The following SLC39A10 variants were observed in gnomAD, a reference collection of about 807,000 sequenced individuals.
SLC39A10 encodes solute carrier family 39 member 10.
A neutral mutation model predicts 65.1 loss-of-function variants in SLC39A10; 13 were observed. That is an observed-to-expected ratio of 0.20 (90% CI 0.13 to 0.32). The LOEUF (loss-of-function observed/expected upper bound fraction) is 0.32, where lower values mean the gene tolerates loss of function less well. SLC39A10 is among the 10% of genes least tolerant of loss of function. The pLI, the probability that SLC39A10 is intolerant of heterozygous loss-of-function variation, is 1.00. For synonymous variants in SLC39A10, 321 were observed against 342.2 expected, an observed-to-expected ratio of 0.94 and a Z score of 0.68; for missense variants, 831 against 1,018.4, an observed-to-expected ratio of 0.82 and a Z score of 2.50.
intron 1 of SLC39A10, among the ~76,000 whole-genome samples, chr2:195,667,904 T>A (rs151054828): frequency 0.014 from 2,186 of 152,318 alleles, 29 homozygotes; most frequent in Non-Finnish European, 0.022. Context: ...GTAGGAAAAT[T>A]AACAAATATT....
At chr2:195,625,133 C>T (rs1015769300) in intron 2 of SLC39A10, among the ~76,000 whole-genome samples, 2 of 148,878 alleles carry the variant, frequency 1.3e-5, no homozygotes, top group Non-Finnish European at 3.0e-5. Context: ...ATGAGAATCG[C>T]TTGAACCCGG....
chr2:195,679,917 T>C, intron 1 of SLC39A10, 115 bp from the exon 2 acceptor site: 1 of 737,736 alleles, frequency 1.4e-6, no homozygotes, highest in Non-Finnish European at 2.1e-6. Flanking sequence ...TATTTTATCA[T>C]GAAGGAAATG....
chr2:195,653,584 C>T (rs1324205393), upstream of SLC39A10, among the ~76,000 whole-genome samples: 1 of 152,126 alleles, frequency 6.6e-6, no homozygotes. Flanking sequence ...CGTGAGCCAC[C>T]ACACTCGGCC....
intron 6 of SLC39A10, among the ~76,000 whole-genome samples, chr2:195,714,975 A>G (rs1691735832): frequency 6.6e-6 from 1 of 151,608 alleles, no homozygotes; most frequent in South Asian, 2.1e-4. Context: ...GATGGTCTCA[A>G]TCTCCTGACC....
intron 1 of SLC39A10, among the ~76,000 whole-genome samples, chr2:195,675,568 A>C (rs985287612): frequency 1.3e-5 from 2 of 152,140 alleles, no homozygotes; most frequent in African/African-American, 4.8e-5. Context: ...AGTAGCTCGT[A>C]CTACAGGCGC....
chr2:195,715,525 CAAAA>C (rs545656309), intron 6 of SLC39A10, among the ~76,000 whole-genome samples: 7 of 61,594 alleles, frequency 1.1e-4, no homozygotes, highest in African/African-American at 3.3e-4. Flanking sequence ...GACTCTGTCT[CAAAA>C]AAAAAAAAAA....
At chr2:195,699,652 T>C (rs545624614) in intron 3 of SLC39A10, among the ~76,000 whole-genome samples, 1 of 152,204 alleles carries the variant, frequency 6.6e-6, no homozygotes, top group East Asian at 1.9e-4. Context: ...CACTTTGTAT[T>C]ATATTTATAT....
intron 2 of SLC39A10, among the ~76,000 whole-genome samples, chr2:195,629,175 T>A (rs1443948002): frequency 6.6e-6 from 1 of 151,910 alleles, no homozygotes; most frequent in Non-Finnish European, 1.5e-5. Context: ...GATCACGAGG[T>A]CAGGAAATCG....
chr2:195,733,728 C>G (rs1692497837), intron 9 of SLC39A10, among the ~76,000 whole-genome samples: 1 of 152,010 alleles, frequency 6.6e-6, no homozygotes, highest in African/African-American at 2.4e-5. Context: ...CGGAGTTACT[C>G]TATGTTGTTC....
chr2:195,688,895 C>T lies in SLC39A10; in HGVS notation c.1216+4989C>T, dbSNP rs186696747. Among the ~76,000 whole-genome samples the T allele has an allele frequency of 3.2e-3, 492 of 152,258 alleles. 3 individuals are homozygous for T. The highest frequency in any genetic ancestry group is 0.011 in the African/African-American group (458 of 41,540). ...GTAGAGATACTCTTTTGCCTGTCTGCCTCTATCCTAATTAGCTCAAATTTA... is the reference window on the plus strand; with the variant it reads ...GTAGAGATACTCTTTTGCCTGTCTGTCTCTATCCTAATTAGCTCAAATTTA... On this transcript the variant is annotated intron_variant, in intron 3 of 9. Transcript: ENST00000359634.
intron 4 of SLC39A10, among the ~76,000 whole-genome samples, chr2:195,708,227 A>G (rs1362850993): frequency 6.6e-6 from 1 of 152,168 alleles, no homozygotes; most frequent in East Asian, 1.9e-4. Flanking sequence ...GAAAAAATAT[A>G]TGATAATCAG....
At chr2:195,624,536 A>G (rs907927038) in intron 2 of SLC39A10, among the ~76,000 whole-genome samples, 1 of 152,100 alleles carries the variant, frequency 6.6e-6, no homozygotes, top group Non-Finnish European at 1.5e-5. Context: ...AGATACGGTG[A>G]TTGTCCACTC....
rs55865691 is a variant in SLC39A10, at chr2:195,737,018, A to G, written c.*1977A>G. The G allele has an allele frequency of 5.6e-3, 778 of 138,028 alleles. 2 individuals are homozygous for G. The highest frequency in any genetic ancestry group is 0.01 in the Non-Finnish European group (618 of 61,580). 8.6% of individuals were successfully genotyped at this position (138,028 alleles called of 1,614,324 possible). On this transcript the variant is annotated 3_prime_UTR_variant, in exon 10 of 10. Transcript: ENST00000359634. ...TTTATAAAAGCAATAGCTGGAATAT[A>G]CTCCCAGTTTTAAAATAAATGCCTG... is the stretch of plus-strand genomic sequence containing the variant.
intron 3 of SLC39A10, among the ~76,000 whole-genome samples, chr2:195,700,833 G>A (rs889021968): frequency 6.6e-6 from 1 of 152,070 alleles, no homozygotes; most frequent in African/African-American, 2.4e-5. Context: ...TTCTCTTGCA[G>A]CTTTCAGGAG....
rs537822030 is a variant in SLC39A10, at chr2:195,639,241, T to G, written c.-12+33008T>G. On this transcript the variant is annotated intron_variant, in intron 2 of 2. Transcript: ENST00000458054. ...TGTTGGGATTACAAGCGTGAGCCAC[T>G]GTATCTGACTGACCTTGACAGTTTA... 9.8e-5 allele frequency among the ~76,000 whole-genome samples: 15 copies of G among 152,296 alleles called. No homozygotes were observed. In the South Asian group the frequency reaches 2.9e-3, roughly 29 times the overall value.
chr2:195,720,093 A>G (rs1691973081), intron 8 of SLC39A10, among the ~76,000 whole-genome samples: 1 of 151,858 alleles, frequency 6.6e-6, no homozygotes, highest in East Asian at 1.9e-4. Context: ...CCCGGCCATA[A>G]TTTTTGTATT....
At chr2:195,724,900 G>T (rs111586223) in intron 8 of SLC39A10, among the ~76,000 whole-genome samples, 1 of 152,082 alleles carries the variant, frequency 6.6e-6, no homozygotes, top group Non-Finnish European at 1.5e-5. Flanking sequence ...TAAAGCCACC[G>T]TAATCAAAAC....
intron 2 of SLC39A10, among the ~76,000 whole-genome samples, chr2:195,638,006 G>A (rs1180728992): frequency 1.3e-5 from 2 of 152,204 alleles, no homozygotes; most frequent in East Asian, 3.8e-4. Flanking sequence ...GGAAGGAAGA[G>A]ATCCTAGAGA....
At chr2:195,683,619 T>C in intron 2 of SLC39A10, 80 bp from the exon 3 acceptor site, 1 of 1,040,770 alleles carries the variant, frequency 9.6e-7, no homozygotes, top group Non-Finnish European at 1.4e-6. Flanking sequence ...TTTAGAGTAT[T>C]TCTTAGGCAG....
Sources: allele counts gnomAD v4.1 joint callset (sites outside exome capture counted in the v4.1 genomes callset), GRCh38; gene constraint gnomAD v4.1.1; transcripts MANE v1.5; gene names NCBI Gene and HGNC (gene_info 2026-07-23, HGNC 2026-07-21).